The following FILIP1 variants were observed in gnomAD, a reference collection of about 807,000 sequenced individuals.
The protein encoded by FILIP1 is filamin-A-interacting protein 1.
Under a neutral mutation model 102.1 loss-of-function variants are expected in FILIP1, and 61 were observed. The observed-to-expected ratio is 0.60, with a 90% CI of 0.49 to 0.74. FILIP1 has a LOEUF of 0.74. Among genes scored for constraint, FILIP1 ranks in the 30% least tolerant of loss-of-function variants. The probability of loss-of-function intolerance (pLI) is 0.00; values close to 1 mark genes in which losing one functional copy is unlikely to be tolerated. For synonymous variants in FILIP1, 491 were observed against 526.9 expected (o/e 0.93, Z 0.93); for missense variants, 1,314 against 1,441.2 (o/e 0.91, Z 1.43).
chr6:75,461,864 G>C (rs931892033), intron 1 of FILIP1, among the ~76,000 whole-genome samples: 4 of 152,150 alleles, frequency 2.6e-5, no homozygotes, highest in Non-Finnish European at 5.9e-5. Context: ...AGAGAGGATG[G>C]GGTGTGCGTG....
At chr6:75,332,410 T>A (rs759320915) in intron 4 of FILIP1, among the ~76,000 whole-genome samples, 3 of 152,196 alleles carry the variant, frequency 2.0e-5, no homozygotes, top group African/African-American at 7.2e-5. Flanking sequence ...TAATTTTCAC[T>A]AGGAACAGGA....
At chr6:75,470,563 A>G (rs532093002) in intron 1 of FILIP1, among the ~76,000 whole-genome samples, 3 of 152,206 alleles carry the variant, frequency 2.0e-5, no homozygotes, top group Non-Finnish European at 4.4e-5. Flanking sequence ...TAAATGATAA[A>G]TATGTATGTA....
intron 6 of FILIP1, among the ~76,000 whole-genome samples, chr6:75,298,750 C>T (rs76850097): frequency 0.025 from 3,840 of 152,182 alleles, 183 homozygotes; most frequent in African/African-American, 0.087. Context: ...AACCCCATCT[C>T]TACTAAAAAT....
chr6:75,414,768 T>C lies in FILIP1; in HGVS notation c.205A>G (p.Thr69Ala). 6.2e-7 allele frequency: 1 copy of C among 1,613,930 alleles called. No homozygotes were observed. The highest frequency in any genetic ancestry group is 8.5e-7 in the Non-Finnish European group (1 of 1,179,822). ...TTGGATAACTCCAGGGATTTCTTAG[T>C]TTTTCGTTCACATTCTCCAGATGTT... ...LKTSGECERKTKKSLELSKED... is the reference protein window; with the variant it reads ...LKTSGECERKAKKSLELSKED... Residue 69 changes from threonine (T) to alanine (A), a missense_variant, in exon 2 of 6, where the codon ACT (threonine) becomes GCT (alanine). Physicochemically the swap from Thr to Ala is moderately conservative, Grantham distance 58 (BLOSUM62 0). This residue lies in a region of FILIP1 where 494 missense variants were observed against 511.2 expected (regional missense o/e 0.97). Coordinates refer to ENST00000237172, the MANE Select transcript of FILIP1 (RefSeq NM_015687.5).
chr6:75,312,554 C>T lies in FILIP1; in HGVS notation c.3278G>A (p.Arg1093Gln), dbSNP rs766731465. Residue 1093 changes from arginine (R) to glutamine (Q), a missense_variant, in exon 5 of 6, where the codon CGA (arginine) becomes CAA (glutamine). Coordinates refer to ENST00000237172, the MANE Select transcript of FILIP1 (RefSeq NM_015687.5). ...CTTTTCGGCTGTCACGTTTACTGGT[C>T]GGACAGTAATAACTGGACTGACTCC... is the stretch of plus-strand genomic sequence containing the variant. Reference protein sequence around the residue: ...GEGVSPVITVRPVNVTAEKEV... With the variant: ...GEGVSPVITVQPVNVTAEKEV... 4.3e-6 allele frequency: 7 copies of T among 1,614,014 alleles called. No homozygotes were observed. Among genetic ancestry groups the T allele is most frequent in the African/African-American group, 1.3e-5 (1 of 74,904 alleles).
At chr6:75,366,197 C>T (rs1273987732) in intron 2 of FILIP1, 1 of 152,174 alleles carries the variant, frequency 6.6e-6, no homozygotes, top group East Asian at 1.9e-4. Context: ...CACAGCAGAA[C>T]TATTTCCATA....
intron 1 of FILIP1, among the ~76,000 whole-genome samples, chr6:75,466,445 GGA>G (rs1779167457): frequency 6.6e-6 from 1 of 152,038 alleles, no homozygotes; most frequent in African/African-American, 2.4e-5. Flanking sequence ...TCAAATAGTG[GGA>G]ATTAACTGCT....
chr6:75,306,790 TCGCC>T (rs1442411518), downstream of FILIP1, among the ~76,000 whole-genome samples: 2 of 149,154 alleles, frequency 1.3e-5, no homozygotes, highest in Non-Finnish European at 1.5e-5. Context: ...TCTCTCTCTG[TCGCC>T]CAGGCTGGAG....
intron 1 of FILIP1, among the ~76,000 whole-genome samples, chr6:75,450,762 C>A (rs924255797): frequency 1.3e-5 from 2 of 151,700 alleles, no homozygotes; most frequent in African/African-American, 4.8e-5. Flanking sequence ...TCAAGACCAG[C>A]CTGAACAACA....
intron 1 of FILIP1, among the ~76,000 whole-genome samples, chr6:75,477,528 T>G (rs1779514587): frequency 6.6e-6 from 1 of 151,934 alleles, no homozygotes; most frequent in African/African-American, 2.4e-5. Context: ...ACTCCATAAA[T>G]GTATATAATT....
rs1447802403 is a variant in FILIP1 at position 75,414,917 on chromosome 6, G to C, written c.56C>G (p.Pro19Arg). 1 of 1,613,556 alleles carries C rather than the reference G, an allele frequency of 6.2e-7. No individual in the cohort carries two copies. Among genetic ancestry groups the C allele is most frequent in the Non-Finnish European group, 8.5e-7 (1 of 1,179,844 alleles). Residue 19 changes from proline to arginine, a missense_variant, in exon 2 of 6, where the codon CCC becomes CGC. This residue lies in a region of FILIP1 where 494 missense variants were observed against 511.2 expected (regional missense o/e 0.97). Coordinates refer to ENST00000237172, the MANE Select transcript of FILIP1 (RefSeq NM_015687.5). ...ESASDGHISC[P>R]KPSIIGNAGE... is the part of the protein sequence containing the mutation. ...AGCATTGCCGATGATGGAGGGCTTG[G>C]GACAGGAGATATGCCCATCAGATGC...
At chr6:75,324,880 G>A (rs975779384) in intron 4 of FILIP1, among the ~76,000 whole-genome samples, 3 of 152,174 alleles carry the variant, frequency 2.0e-5, no homozygotes, top group Non-Finnish European at 2.9e-5. Context: ...TAATTGGCAA[G>A]CCGCATGTAG....
At chr6:75,445,132 C>T (rs916146830) in intron 1 of FILIP1, among the ~76,000 whole-genome samples, 4 of 152,262 alleles carry the variant, frequency 2.6e-5, no homozygotes, top group Non-Finnish European at 5.9e-5. Flanking sequence ...AACCACTCTA[C>T]CCTAAGTGCA....
At chr6:75,479,076 T>G (rs534974512) in intron 1 of FILIP1, among the ~76,000 whole-genome samples, 49 of 152,286 alleles carry the variant, frequency 3.2e-4, no homozygotes, top group African/African-American at 1.2e-3. Flanking sequence ...CAGCCTTGTT[T>G]TAACAACCCT....
Position 75,312,486 on chromosome 6 carries a change from G to C in FILIP1, c.3346C>G (p.Leu1116Val), listed in dbSNP as rs1489779742. The C allele has an allele frequency of 6.2e-7, 1 of 1,614,182 alleles. No homozygotes were observed. The highest frequency in any genetic ancestry group is 1.7e-5 in the Admixed American group (1 of 60,020). The change falls in exon 5 of 6, where the codon CTC (leucine) becomes GTC (valine). Residue 1116 changes from leucine (L) to valine (V), a missense_variant. This residue lies in a region of FILIP1 where 816 missense variants were observed against 913.1 expected (regional missense o/e 0.89). Coordinates refer to ENST00000237172, the MANE Select transcript of FILIP1 (RefSeq NM_015687.5). Reference protein sequence around the residue: ...GTVLRSPRNHLSSRPGASKVT... With the variant: ...GTVLRSPRNHVSSRPGASKVT... ...TTGCTTGCACCAGGCCGTGAGGAGA[G>C]GTGATTCCTGGGAGAGCGAAGGACA...
chr6:75,371,707 T>C (rs760158372), intron 2 of FILIP1, among the ~76,000 whole-genome samples: 4 of 152,178 alleles, frequency 2.6e-5, no homozygotes, highest in Non-Finnish European at 5.9e-5. Flanking sequence ...GAGTGCAAGA[T>C]CTCTCAGTGG....
intron 1 of FILIP1, among the ~76,000 whole-genome samples, chr6:75,420,177 G>A (rs1183059590): frequency 2.0e-5 from 3 of 151,780 alleles, no homozygotes; most frequent in Non-Finnish European, 2.9e-5. Flanking sequence ...TCATACTGTG[G>A]CAAATAGAAA....
chr6:75,431,351 T>C (rs1341973243), intron 1 of FILIP1, among the ~76,000 whole-genome samples: 2 of 152,192 alleles, frequency 1.3e-5, no homozygotes, highest in East Asian at 3.9e-4. Context: ...TTTAATACTA[T>C]CTTCTTATTT....
intron 4 of FILIP1, among the ~76,000 whole-genome samples, chr6:75,329,876 C>T (rs1325542097): frequency 6.6e-6 from 1 of 152,140 alleles, no homozygotes; most frequent in East Asian, 1.9e-4. Context: ...CATCAGGGTA[C>T]ATGAGGTATC....
Sources: gnomAD v4.1 joint callset for allele counts (sites outside exome capture counted in the v4.1 genomes callset) on GRCh38, gnomAD v4.1.1 for gene constraint, gnomAD v4.1.1 regional missense constraint, MANE v1.5 for transcripts, NCBI Gene and HGNC (gene_info 2026-07-23, HGNC 2026-07-21) for gene names.